CERS6: variants seen among roughly 807,000 people sequenced by gnomAD.
The protein encoded by CERS6 is LAG1 homolog, ceramide synthase 6.
CERS6 carries 26 observed loss-of-function variants against 56.8 expected under a neutral mutation model. The observed-to-expected ratio is 0.46, with a 90% CI of 0.34 to 0.63. The LOEUF is 0.63. CERS6 is among the 30% of genes least tolerant of loss of function. The pLI is 0.01. For missense variants in CERS6, 415 were observed against 467.5 expected (o/e 0.89, Z 1.04); for synonymous variants, 164 against 173.3 (o/e 0.95, Z 0.42).
chr2:168,728,424 C>A (rs1683414853), intron 8 of CERS6, among the ~76,000 whole-genome samples: 1 of 126,832 alleles, frequency 7.9e-6, no homozygotes. Context: ...GAGTCTTGCT[C>A]TGTCACCCAA....
intron 1 of CERS6, among the ~76,000 whole-genome samples, chr2:168,500,491 G>A (rs1240781747): frequency 6.6e-6 from 1 of 152,140 alleles, no homozygotes; most frequent in African/African-American, 2.4e-5. Flanking sequence ...GAAGCCTGTG[G>A]ACATATCCAA....
At chr2:168,658,206 G>A (rs1243883857) in intron 4 of CERS6, among the ~76,000 whole-genome samples, 1 of 152,118 alleles carries the variant, frequency 6.6e-6, no homozygotes. Flanking sequence ...GCAATGCCTA[G>A]TCCTAGTTTA....
At chr2:168,687,357 G>C (rs1686378412) in intron 4 of CERS6, among the ~76,000 whole-genome samples, 1 of 152,174 alleles carries the variant, frequency 6.6e-6, no homozygotes, top group African/African-American at 2.4e-5. Context: ...CAAAAAGATG[G>C]AATCAGCCTT....
At chr2:168,768,239 GTTTTT>G (rs557076210) in intron 9 of CERS6, among the ~76,000 whole-genome samples, 5 of 144,164 alleles carry the variant, frequency 3.5e-5, no homozygotes, top group Admixed American at 1.4e-4. Context: ...GTTTTGTTTT[GTTTTT>G]TTTTTTAAGA....
intron 8 of CERS6, among the ~76,000 whole-genome samples, chr2:168,720,644 C>G (rs1687340705): frequency 6.6e-6 from 1 of 152,086 alleles, no homozygotes; most frequent in Admixed American, 6.5e-5. Flanking sequence ...ATGATGATGC[C>G]CACTCACAGC....
chr2:168,710,013 A>G (rs1245588885), intron 6 of CERS6, among the ~76,000 whole-genome samples: 4 of 152,196 alleles, frequency 2.6e-5, no homozygotes, highest in African/African-American at 7.2e-5. Context: ...TTTCATATTC[A>G]TACAGATAGG....
In CERS6 at chr2:168,711,531, C is replaced by T. The variant is rs565608271; in HGVS notation, c.610-3470C>T. 2.2e-4 allele frequency among the ~76,000 whole-genome samples: 34 copies of T among 152,104 alleles called. No homozygotes were observed. The East Asian group carries it at 2.5e-3, about 11-fold the overall frequency. ...GGTGCATCACTTGAGGTCAGGTGTT[C>T]GAGACCAGTCTGGCCAACATGGTGA... On this transcript the variant is annotated intron_variant, in intron 6 of 9. Coordinates refer to ENST00000305747, the MANE Select transcript of CERS6 (RefSeq NM_203463.3).
At chr2:168,495,244 G>A (rs999941689) in intron 1 of CERS6, among the ~76,000 whole-genome samples, 5 of 152,160 alleles carry the variant, frequency 3.3e-5, no homozygotes, top group African/African-American at 9.7e-5. Flanking sequence ...CGATGGAAGC[G>A]GTGAGGAGTA....
At chr2:168,641,204 G>A (rs763567946) in intron 4 of CERS6, among the ~76,000 whole-genome samples, 12 of 152,006 alleles carry the variant, frequency 7.9e-5, no homozygotes, top group South Asian at 2.1e-4. Context: ...ACCCTTCTCT[G>A]CACCACTTGC....
chr2:168,634,487 A>G (rs779029777), intron 4 of CERS6, among the ~76,000 whole-genome samples: 9 of 152,110 alleles, frequency 5.9e-5, no homozygotes, highest in Non-Finnish European at 1.3e-4. Flanking sequence ...ATCTTGGCCC[A>G]CTGCAACCTA....
intron 8 of CERS6, among the ~76,000 whole-genome samples, chr2:168,743,279 C>T (rs1260377936): frequency 6.6e-6 from 1 of 151,626 alleles, no homozygotes; most frequent in East Asian, 1.9e-4. Context: ...TATACACACA[C>T]ACCTGATAGA....
At chr2:168,487,590 A>G (rs1361633110) in intron 1 of CERS6, among the ~76,000 whole-genome samples, 1 of 152,242 alleles carries the variant, frequency 6.6e-6, no homozygotes, top group Non-Finnish European at 1.5e-5. Context: ...GTATAACCTT[A>G]TGCTTACTTT....
intron 1 of CERS6, among the ~76,000 whole-genome samples, chr2:168,471,744 T>C (rs7603594): frequency 2.5e-3 from 382 of 152,340 alleles, no homozygotes; most frequent in African/African-American, 8.7e-3. Context: ...TTTCAGATTG[T>C]CTAAAGCTTT....
chr2:168,495,563 A>G (rs2105341497), intron 1 of CERS6, among the ~76,000 whole-genome samples: 1 of 152,260 alleles, frequency 6.6e-6, no homozygotes, highest in Middle Eastern at 3.4e-3. Context: ...AACAAACAAA[A>G]CTTCCCAGGA....
At chr2:168,458,178 T>G (rs1203063679) in intron 1 of CERS6, among the ~76,000 whole-genome samples, 1 of 123,240 alleles carries the variant, frequency 8.1e-6, no homozygotes, top group African/African-American at 3.1e-5. Context: ...TGTTGGCACA[T>G]AGTAGGGGAT....
chr2:168,459,710 A>G (rs1693744926), intron 1 of CERS6, among the ~76,000 whole-genome samples: 1 of 152,222 alleles, frequency 6.6e-6, no homozygotes, highest in South Asian at 2.1e-4. Context: ...ACTTGATCAC[A>G]AAGAACAAAA....
intron 7 of CERS6, among the ~76,000 whole-genome samples, chr2:168,715,339 AT>A (rs756091790): frequency 5.8e-4 from 88 of 152,340 alleles, no homozygotes; most frequent in Non-Finnish European, 1.0e-3. Flanking sequence ...AAAGTTGTTA[AT>A]AAAATGCTGA....
chr2:168,510,960 G>A (rs554142497), intron 1 of CERS6, among the ~76,000 whole-genome samples: 40 of 152,322 alleles, frequency 2.6e-4, no homozygotes, highest in African/African-American at 9.1e-4. Context: ...CAAACACTAA[G>A]TGGTAGAGCT....
chr2:168,723,914 A>G (rs760392514), intron 8 of CERS6, among the ~76,000 whole-genome samples: 7 of 152,250 alleles, frequency 4.6e-5, no homozygotes, highest in African/African-American at 1.4e-4. Context: ...TAGGTTTACT[A>G]TATCAAGAGT....
Sources: allele counts gnomAD v4.1 joint callset (sites outside exome capture counted in the v4.1 genomes callset), GRCh38; gene constraint gnomAD v4.1.1; transcripts MANE v1.5; gene names NCBI Gene and HGNC (gene_info 2026-07-23, HGNC 2026-07-21).